BZW1: variants seen among roughly 807,000 people sequenced by gnomAD.
The protein encoded by BZW1 is basic leucine zipper and W2 domains 1, also known as eIF5-mimic protein 2.
A neutral mutation model predicts 54.1 loss-of-function variants in BZW1; 3 were observed. The observed-to-expected ratio is 0.06, with a 90% CI of 0.03 to 0.14. BZW1 has a LOEUF of 0.14. BZW1 is among the 10% of genes least tolerant of loss of function. The probability of loss-of-function intolerance (pLI) is 1.00; values close to 1 mark genes in which losing one functional copy is unlikely to be tolerated. For synonymous variants in BZW1, 152 were observed against 162.7 expected (o/e 0.93, Z 0.50); for missense variants, 206 against 491.7 (o/e 0.42, Z 5.50).
intron 9 of BZW1, 51 bp downstream of exon 9, chr2:200,818,952 A>T: frequency 6.7e-7 from 1 of 1,501,400 alleles, no homozygotes; most frequent in Non-Finnish European, 8.8e-7. Flanking sequence ...TCACGTGGTG[A>T]TAAGTGAACT....
In BZW1 at chr2:200,827,217, G is replaced by A. The variant is rs1009184346; in HGVS notation, c.*5039G>A. 1 of 152,096 alleles carries A rather than the reference G, an allele frequency of 6.6e-6. No homozygotes were observed. The highest frequency in any genetic ancestry group is 2.1e-4 in the South Asian group (1 of 4,828). 9.4% of individuals were successfully genotyped at this position (152,096 alleles called of 1,614,324 possible). ...GGCACTCTAAAAAACCTCAAATACA[G>A]CCATCCAAGCCAGTAATTCTATTGC... On this transcript the variant is annotated 3_prime_UTR_variant, in exon 12 of 12. Coordinates refer to ENST00000409600, the MANE Select transcript of BZW1 (RefSeq NM_001207067.2).
Position 200,812,149 on chromosome 2 carries a change from C to T in BZW1, c.-11+159C>T, listed in dbSNP as rs1012111727. On this transcript the variant is annotated intron_variant, in intron 1 of 11. Coordinates refer to ENST00000409600, the MANE Select transcript of BZW1 (RefSeq NM_001207067.2). ...GCCGGATCTAGGGCCTGAAAGGCCGCCGCTTCGGCAGGGAGGCCGAGGGGT... is the reference window on the plus strand; with the variant it reads ...GCCGGATCTAGGGCCTGAAAGGCCGTCGCTTCGGCAGGGAGGCCGAGGGGT... The T allele has an allele frequency of 7.3e-6, 8 of 1,099,092 alleles. No homozygotes were observed. In the Admixed American group the frequency reaches 3.4e-4, roughly 47 times the overall value. 68.1% of individuals were successfully genotyped at this position (1,099,092 alleles called of 1,614,324 possible). A position where few individuals can be genotyped will look rare whatever the true frequency, so the allele number is the denominator to read the frequency against.
intron 1 of BZW1, 35 bp from the exon 2 acceptor site, chr2:200,813,173 G>C (rs1408538428): frequency 6.5e-7 from 1 of 1,549,526 alleles, no homozygotes; most frequent in African/African-American, 1.4e-5. Context: ...TAGTATTATG[G>C]CACTGATATT....
chr2:200,813,518 G>A (rs146187701), intron 2 of BZW1: 3 of 335,862 alleles, frequency 8.9e-6, no homozygotes, highest in East Asian at 4.9e-5. Context: ...TCTTCTTTTC[G>A]GTGTGAAGGT....
At chr2:200,819,815 C>T (rs978202932) in intron 9 of BZW1, among the ~76,000 whole-genome samples, 167 bp from the exon 10 acceptor site, 7 of 152,088 alleles carry the variant, frequency 4.6e-5, no homozygotes, top group African/African-American at 1.7e-4. Context: ...GGATTACAGA[C>T]GTGAGCCACT....
At chr2:200,821,570 A>G (rs1163573488) in intron 11 of BZW1, among the ~76,000 whole-genome samples, 1 of 148,184 alleles carries the variant, frequency 6.7e-6, no homozygotes, top group Non-Finnish European at 1.5e-5. Context: ...TTTTTTTTTT[A>G]ATTAAAAATA....
chr2:200,817,778 A>G (rs994532816), intron 6 of BZW1, among the ~76,000 whole-genome samples, 196 bp from the exon 7 acceptor site: 5 of 152,190 alleles, frequency 3.3e-5, no homozygotes, highest in Admixed American at 3.3e-4. Flanking sequence ...AACTTGGCCA[A>G]GAATATACAA....
chr2:200,818,823 C>T lies in BZW1; in HGVS notation c.888C>T (p.Val296=), dbSNP rs763312523. The T allele has an allele frequency of 2.5e-6, 4 of 1,601,874 alleles. No homozygotes were observed. The Admixed American group carries it at 5.4e-5, about 22-fold the overall frequency. The change falls in exon 9 of 12, where the codon GTC becomes GTT. Residue 296 remains valine, a synonymous_variant. Coordinates refer to ENST00000409600, the MANE Select transcript of BZW1 (RefSeq NM_001207067.2). The stretch of plus-strand genomic sequence containing the variant: ...CAGAGCCAGTTGTCATCGGAATAGT[C>T]TGGTCAAGTGTAATGAGCACTGTGG... The part of the protein sequence containing the change: ...NIPEPVVIGI[V]WSSVMSTVEW...
intron 2 of BZW1, among the ~76,000 whole-genome samples, chr2:200,814,108 G>T (rs72927059): frequency 0.058 from 8,824 of 152,306 alleles, 326 homozygotes; most frequent in South Asian, 0.1. Flanking sequence ...AATCTTTGCA[G>T]ATTCATTTAG....
Position 200,818,369 on chromosome 2 carries a change from G to A in BZW1, c.795G>A (p.Met265Ile). The A allele has an allele frequency of 6.2e-7, 1 of 1,600,076 alleles. No individual in the cohort carries two copies. Among genetic ancestry groups the A allele is most frequent in the East Asian group, 2.2e-5 (1 of 44,828 alleles). ...TCCAGAAAGAACTTCAAGAACAGAT[G>A]TCCCGTGGTGATCCATTTAAGGATG... ...KELQKELQEQ[M>I]SRGDPFKDII... The change falls in exon 8 of 12, where the codon ATG (methionine) becomes ATA (isoleucine). Residue 265 changes from methionine (M) to isoleucine (I), a missense_variant. Physicochemically the swap from Met to Ile is conservative, Grantham distance 10. Coordinates refer to ENST00000409600, the MANE Select transcript of BZW1 (RefSeq NM_001207067.2).
intron 4 of BZW1, among the ~76,000 whole-genome samples, chr2:200,816,075 A>C (rs1197468228): frequency 3.9e-5 from 6 of 152,248 alleles, no homozygotes; most frequent in Non-Finnish European, 8.8e-5. Flanking sequence ...ATTTATTTTT[A>C]AAGTTAAATG....
In BZW1 at chr2:200,811,933, C is replaced by G. The variant is rs939028858; in HGVS notation, c.-68C>G. 3.8e-6 allele frequency: 1 copy of G among 262,636 alleles called. No homozygotes were observed. The highest frequency in any genetic ancestry group is 7.2e-6 in the Non-Finnish European group (1 of 139,624). The allele number at this position is 262,636 out of a possible 1,614,324, so 16.3% of individuals were successfully genotyped here. ...TTAGTTCCGGTCGCAGAGGAGACAC[C>G]GCCGCAGTTGCCGGTACATCGGGGA... is the stretch of plus-strand genomic sequence containing the variant. On this transcript the variant is annotated 5_prime_UTR_variant, in exon 1 of 12. Transcript: ENST00000409600.
At chr2:200,812,184 C>T (rs1021214361) in intron 1 of BZW1, 194 bp downstream of exon 1, 41 of 1,208,286 alleles carry the variant, frequency 3.4e-5, no homozygotes, top group Admixed American at 4.3e-5. Flanking sequence ...TAGCGGCGGC[C>T]CGGGTGGGGA....
At chr2:200,812,457 TCCG>T in intron 1 of BZW1, 1 of 1,340,996 alleles carries the variant, frequency 7.5e-7, no homozygotes, top group Non-Finnish European at 9.6e-7. Context: ...GTGACTGTGG[TCCG>T]CTCGTTGCGG....
In BZW1 at chr2:200,818,798, C is replaced by G. The variant is rs1196931176; in HGVS notation, c.863C>G (p.Pro288Arg). Residue 288 changes from proline (P) to arginine (R), a missense_variant, in exon 9 of 12, where the codon CCA (proline) becomes CGA (arginine). This residue lies in a region of BZW1 where 60 missense variants were observed against 151.8 expected (regional missense o/e 0.40). Transcript: ENST00000409600. ...GAGGAGATGAAAAAAAACAACATCCCAGAGCCAGTTGTCATCGGAATAGTC... is the reference window on the plus strand; with the variant it reads ...GAGGAGATGAAAAAAAACAACATCCGAGAGCCAGTTGTCATCGGAATAGTC... The part of the protein sequence containing the change: ...VKEEMKKNNI[P>R]EPVVIGIVWS... 6.3e-7 allele frequency: 1 copy of G among 1,592,830 alleles called. No homozygotes were observed. The highest frequency in any genetic ancestry group is 8.5e-7 in the Non-Finnish European group (1 of 1,174,776).
In BZW1 at chr2:200,818,742, G is replaced by T. The variant is rs2038386724; in HGVS notation, c.820-13G>T. The T allele has an allele frequency of 1.3e-6, 2 of 1,572,992 alleles. No individual in the cohort carries two copies. Among genetic ancestry groups the T allele is most frequent in the Admixed American group, 2.1e-5 (1 of 46,654 alleles). ...AAACTGACTTCTGTTACTAAATTTG[G>T]ATTCATTTGCAGATAATTTTATATG... On this transcript the variant is annotated splice_polypyrimidine_tract_variant and intron_variant, in intron 8 of 11. Coordinates refer to ENST00000409600, the MANE Select transcript of BZW1 (RefSeq NM_001207067.2).
intron 2 of BZW1, 38 bp downstream of exon 2, chr2:200,813,319 C>T: frequency 6.5e-7 from 1 of 1,545,756 alleles, no homozygotes; most frequent in Non-Finnish European, 8.9e-7. Context: ...TTCAAACCTC[C>T]AGAACATCTT....
chr2:200,812,510 C>T (rs1327399648), intron 1 of BZW1: 11 of 1,380,760 alleles, frequency 8.0e-6, no homozygotes, highest in African/African-American at 2.9e-5. Flanking sequence ...GGAGAAAGAG[C>T]CGCGGGACCC....
At chr2:200,821,832 A>G (rs900119578) in intron 11 of BZW1, among the ~76,000 whole-genome samples, 3 of 152,170 alleles carry the variant, frequency 2.0e-5, no homozygotes, top group African/African-American at 7.2e-5. Context: ...GCACTTTGGG[A>G]GGCTGAGGCG....
Sources: allele counts gnomAD v4.1 joint callset (sites outside exome capture counted in the v4.1 genomes callset), GRCh38; gene constraint gnomAD v4.1.1; regional missense constraint gnomAD v4.1.1; transcripts MANE v1.5; gene names NCBI Gene and HGNC (gene_info 2026-07-23, HGNC 2026-07-21).